Variants in SCMH1 observed in about 807,000 individuals in gnomAD.
The protein encoded by SCMH1 is Scm polycomb group protein homolog 1, also known as polycomb protein SCMH1.
In SCMH1, 37 loss-of-function variants were observed where a neutral mutation model predicts 70.8. That is an observed-to-expected ratio of 0.52 (90% CI 0.40 to 0.69). SCMH1 has a LOEUF of 0.69. SCMH1 is among the 30% of genes least tolerant of loss of function. SCMH1 has a pLI of 0.00. For missense variants in SCMH1, 607 were observed against 827.3 expected, an observed-to-expected ratio of 0.73 and a Z score of 3.27; for synonymous variants, 292 against 307.4, an observed-to-expected ratio of 0.95 and a Z score of 0.52.
chr1:41,237,385 CTTCTT>C (rs749939561), intron 1 of SCMH1, among the ~76,000 whole-genome samples: 142 of 152,240 alleles, frequency 9.3e-4, no homozygotes, highest in African/African-American at 2.9e-3. Context: ...TACACAGGAA[CTTCTT>C]TTCAAGTGTG....
chr1:41,108,021 G>A (rs968558869), intron 8 of SCMH1, among the ~76,000 whole-genome samples: 31 of 152,276 alleles, frequency 2.0e-4, no homozygotes, highest in African/African-American at 6.3e-4. Context: ...AATCCTGTAC[G>A]TGAGCCACGA....
In SCMH1 at chr1:41,235,164, C is replaced by T. The variant is rs370297645; in HGVS notation, c.-118+6895G>A. Among the ~76,000 whole-genome samples, 10 of 152,132 alleles carry T rather than the reference C, an allele frequency of 6.6e-5. No individual in the cohort carries two copies. The East Asian group carries it at 1.7e-3, about 26-fold the overall frequency. ...CTGCCTATATTAAATCATTTCAGAC[C>T]TACAAAAACAGAAATTTTATGGTTC... On this transcript the variant is annotated intron_variant, in intron 1 of 14. Transcript: ENST00000337495.
chr1:41,239,121 A>G (rs1351959824), intron 1 of SCMH1, among the ~76,000 whole-genome samples: 1 of 152,164 alleles, frequency 6.6e-6, no homozygotes, highest in Non-Finnish European at 1.5e-5. Flanking sequence ...AAAATAAAAA[A>G]AAAACACCTA....
At chr1:41,156,245 C>A (rs1029073472) in intron 4 of SCMH1, among the ~76,000 whole-genome samples, 2 of 152,136 alleles carry the variant, frequency 1.3e-5, no homozygotes, top group African/African-American at 2.4e-5. Flanking sequence ...ACTGTTCTGG[C>A]CACATTCCTT....
chr1:41,057,681 C>T (rs891948634), intron 10 of SCMH1, among the ~76,000 whole-genome samples: 5 of 152,178 alleles, frequency 3.3e-5, no homozygotes, highest in Middle Eastern at 3.4e-3. Flanking sequence ...AATTATCAGA[C>T]TGGGAATTTA....
At chr1:41,176,174 A>C (rs1647109095) in intron 2 of SCMH1, among the ~76,000 whole-genome samples, 1 of 130,686 alleles carries the variant, frequency 7.7e-6, no homozygotes, top group Admixed American at 8.9e-5. Flanking sequence ...GTCTCAAAAA[A>C]AAAACCAAAA....
intron 6 of SCMH1, among the ~76,000 whole-genome samples, chr1:41,139,336 G>A (rs908618943): frequency 4.0e-5 from 6 of 151,876 alleles, no homozygotes; most frequent in African/African-American, 9.7e-5. Context: ...TAAATTCTTC[G>A]TTATGTATGG....
intron 1 of SCMH1, among the ~76,000 whole-genome samples, chr1:41,224,183 A>T (rs114015069): frequency 6.6e-6 from 1 of 152,088 alleles, no homozygotes; most frequent in African/African-American, 2.4e-5. Flanking sequence ...CTTTCCTCAT[A>T]CTCTCAGACA....
intron 6 of SCMH1, among the ~76,000 whole-genome samples, chr1:41,127,461 T>C (rs1018245768): frequency 1.3e-5 from 2 of 152,228 alleles, no homozygotes; most frequent in Admixed American, 1.3e-4. Flanking sequence ...ATAGTCATTT[T>C]TTTACATTTT....
chr1:41,092,607 T>G (rs1663923788), intron 8 of SCMH1, among the ~76,000 whole-genome samples: 1 of 152,060 alleles, frequency 6.6e-6, no homozygotes. Context: ...GGGAGAAAAT[T>G]TTTGCAATCT....
chr1:41,109,261 A>G (rs979016964), intron 8 of SCMH1, among the ~76,000 whole-genome samples: 3 of 152,224 alleles, frequency 2.0e-5, no homozygotes, highest in African/African-American at 7.2e-5. Flanking sequence ...AGATAAAATG[A>G]AAATCTGTGT....
intron 2 of SCMH1, among the ~76,000 whole-genome samples, chr1:41,174,487 G>A (rs1400518864): frequency 2.6e-5 from 4 of 152,000 alleles, no homozygotes; most frequent in Non-Finnish European, 5.9e-5. Flanking sequence ...GTTGTGATTA[G>A]GGCCAATGGA....
At chr1:41,130,365 C>T (rs1055569191) in intron 6 of SCMH1, among the ~76,000 whole-genome samples, 2 of 151,984 alleles carry the variant, frequency 1.3e-5, no homozygotes, top group East Asian at 1.9e-4. Flanking sequence ...TCCTTTGATG[C>T]ACAAAAGTTT....
intron 1 of SCMH1, among the ~76,000 whole-genome samples, chr1:41,187,099 C>T (rs981672894): frequency 3.9e-5 from 6 of 152,044 alleles, no homozygotes; most frequent in Non-Finnish European, 8.8e-5. Flanking sequence ...CTGAATTTGA[C>T]GTTAAAATTT....
intron 6 of SCMH1, among the ~76,000 whole-genome samples, chr1:41,120,252 A>C (rs1243686432): frequency 6.6e-6 from 1 of 152,190 alleles, no homozygotes; most frequent in Admixed American, 6.5e-5. Context: ...GGAGCTAAAA[A>C]ATCCTCTCAG....
Position 41,028,323 on chromosome 1 carries a change from G to A in SCMH1, c.1822-4C>T. 6.2e-7 allele frequency: 1 copy of A among 1,613,864 alleles called. No individual in the cohort carries two copies. Among genetic ancestry groups the A allele is most frequent in the South Asian group, 1.1e-5 (1 of 91,048 alleles). ...GCAGGGCCTTGCCATCGATCTCCTG[G>A]GGGGTGGGGAGGTGGGCAGAAGTGG... On this transcript the variant is annotated splice_polypyrimidine_tract_variant and splice_region_variant and intron_variant, in intron 14 of 14. Coordinates refer to ENST00000337495, the Ensembl canonical transcript of SCMH1.
intron 6 of SCMH1, among the ~76,000 whole-genome samples, chr1:41,140,546 C>T (rs1643962543): frequency 6.6e-6 from 1 of 152,108 alleles, no homozygotes; most frequent in Non-Finnish European, 1.5e-5. Flanking sequence ...CCGCCTCGGC[C>T]TCCCAAAGTG....
intron 8 of SCMH1, among the ~76,000 whole-genome samples, chr1:41,109,415 G>T (rs1668732769): frequency 6.6e-6 from 1 of 152,148 alleles, no homozygotes; most frequent in South Asian, 2.1e-4. Context: ...AAGAGAACAG[G>T]CTTACACACA....
In SCMH1 at chr1:41,085,862, A is replaced by G. The variant is rs1462166036; in HGVS notation, c.746-10411T>C. Among the ~76,000 whole-genome samples, 22 of 101,502 alleles carry G rather than the reference A, an allele frequency of 2.2e-4. 1 individual carries two copies. In the East Asian group the frequency reaches 6.6e-3, roughly 31 times the overall value. 66.6% of individuals were successfully genotyped at this position (101,502 alleles called of 152,430 possible). A position where few individuals can be genotyped will look rare whatever the true frequency, so the allele number is the denominator to read the frequency against. On this transcript the variant is annotated intron_variant, in intron 8 of 14. Coordinates refer to ENST00000337495, the Ensembl canonical transcript of SCMH1. Reference sequence around the variant, plus strand: ...GCTTTTTTTTTTTTTTTTTTTTGAGATGGAGTCTTGCTCTGTTGCCCAGGC... The same window carrying G: ...GCTTTTTTTTTTTTTTTTTTTTGAGGTGGAGTCTTGCTCTGTTGCCCAGGC...
Sources: allele counts gnomAD v4.1 joint callset (sites outside exome capture counted in the v4.1 genomes callset), GRCh38; gene constraint gnomAD v4.1.1; transcripts MANE v1.5; gene names NCBI Gene and HGNC (gene_info 2026-07-23, HGNC 2026-07-21).